NEK1: variants seen among roughly 807,000 people sequenced by gnomAD.
NEK1 encodes the protein NIMA related kinase 1, also known as serine/threonine-protein kinase Nek1.
In NEK1, 137 loss-of-function variants were observed where a neutral mutation model predicts 182.1. The observed-to-expected ratio is 0.75, with a 90% CI of 0.65 to 0.87. The LOEUF (loss-of-function observed/expected upper bound fraction) is 0.87, where lower values mean the gene tolerates loss of function less well. Ranked by LOEUF, NEK1 falls within the 40% of genes least tolerant of loss-of-function variation. The pLI is 0.00. For missense variants in NEK1, 1,391 were observed against 1,494.4 expected, an observed-to-expected ratio of 0.93 and a Z score of 1.14; for synonymous variants, 513 against 492.2, an observed-to-expected ratio of 1.04 and a Z score of -0.56.
Position 169,494,165 on chromosome 4 carries a change from T to C in NEK1, c.2007+12872A>G, listed in dbSNP as rs1317355181. Among the ~76,000 whole-genome samples, 3 of 152,048 alleles carry C rather than the reference T, an allele frequency of 2.0e-5. No homozygotes were observed. The East Asian group carries it at 5.8e-4, about 29-fold the overall frequency. On this transcript the variant is annotated intron_variant, in intron 23 of 35. Coordinates refer to ENST00000507142, the MANE Select transcript of NEK1 (RefSeq NM_001199397.3). ...GCACAACGTGCAGGTTTGTTACATA[T>C]GTATACATGTAACATGTTTGTGTGC...
chr4:169,402,622 C>T (rs1283905343), intron 32 of NEK1, among the ~76,000 whole-genome samples: 1 of 152,106 alleles, frequency 6.6e-6, no homozygotes, highest in Non-Finnish European at 1.5e-5. Context: ...TAATACCTTA[C>T]ATTTATATAG....
At chr4:169,587,724 T>A in intron 8 of NEK1, 111 bp from the exon 9 acceptor site, 1 of 576,090 alleles carries the variant, frequency 1.7e-6, no homozygotes, top group Non-Finnish European at 3.0e-6. Flanking sequence ...CCAGAAAAAA[T>A]TTCCTTTAAA....
intron 18 of NEK1, among the ~76,000 whole-genome samples, chr4:169,540,105 TAAGC>T (rs1378611079): frequency 6.6e-6 from 1 of 152,176 alleles, no homozygotes; most frequent in African/African-American, 2.4e-5. Flanking sequence ...CTGGCTTAAA[TAAGC>T]AGGTTTACAT....
intron 18 of NEK1, among the ~76,000 whole-genome samples, chr4:169,553,285 T>C (rs1761692093): frequency 2.0e-5 from 3 of 152,176 alleles, no homozygotes; most frequent in South Asian, 4.1e-4. Context: ...TTTCAAGAGA[T>C]GTGGAACAAC....
At chr4:169,523,581 C>T (rs1756434323) in intron 19 of NEK1, among the ~76,000 whole-genome samples, 1 of 152,222 alleles carries the variant, frequency 6.6e-6, no homozygotes, top group Non-Finnish European at 1.5e-5. Flanking sequence ...TGCTGACACA[C>T]TGATCTTGGA....
intron 18 of NEK1, chr4:169,553,965 A>G (rs983161890): frequency 1.1e-4 from 17 of 152,232 alleles, no homozygotes; most frequent in African/African-American, 3.6e-4. Context: ...CTCTTAAGAC[A>G]TGATCCAGCA....
intron 4 of NEK1, among the ~76,000 whole-genome samples, chr4:169,600,717 T>G (rs1337456870): frequency 2.0e-5 from 3 of 152,196 alleles, no homozygotes; most frequent in African/African-American, 7.2e-5. Context: ...AAAACTATAA[T>G]TCACTATTTA....
At chr4:169,421,801 C>T (rs1384593956) in intron 31 of NEK1, among the ~76,000 whole-genome samples, 4 of 152,046 alleles carry the variant, frequency 2.6e-5, no homozygotes, top group Non-Finnish European at 4.4e-5. Flanking sequence ...TCTACACAAG[C>T]GTAGTTAAGA....
At chr4:169,484,249 T>C (rs1432297118) in intron 23 of NEK1, among the ~76,000 whole-genome samples, 1 of 152,212 alleles carries the variant, frequency 6.6e-6, no homozygotes, top group South Asian at 2.1e-4. Context: ...GGATTTCACA[T>C]GTTGGCCAGG....
chr4:169,580,468 G>C (rs1766437417), intron 11 of NEK1, among the ~76,000 whole-genome samples: 1 of 123,316 alleles, frequency 8.1e-6, no homozygotes, highest in African/African-American at 3.2e-5. Context: ...CTGCGCTCCA[G>C]CCTGGGCAAG....
intron 26 of NEK1, among the ~76,000 whole-genome samples, chr4:169,476,503 C>T (rs1049414610): frequency 1.3e-5 from 2 of 152,012 alleles, no homozygotes; most frequent in Non-Finnish European, 2.9e-5. Flanking sequence ...TAAATGCTAT[C>T]AAGTCTTTGG....
At chr4:169,480,608 C>CT (rs1747815027) in intron 23 of NEK1, among the ~76,000 whole-genome samples, 1 of 151,356 alleles carries the variant, frequency 6.6e-6, no homozygotes, top group South Asian at 2.1e-4. Flanking sequence ...CTGATGGCTA[C>CT]TGACTGATCA....
intron 29 of NEK1, among the ~76,000 whole-genome samples, chr4:169,430,904 T>C (rs1737304618): frequency 6.6e-6 from 1 of 151,868 alleles, no homozygotes; most frequent in Admixed American, 6.6e-5. Flanking sequence ...TTTTTGCTCA[T>C]TTTTTTGTAA....
intron 16 of NEK1, among the ~76,000 whole-genome samples, chr4:169,560,413 C>T (rs1267357924): frequency 1.3e-5 from 2 of 152,152 alleles, no homozygotes; most frequent in African/African-American, 4.8e-5. Flanking sequence ...GAGCAGAATT[C>T]TCTCTCTCTA....
At chr4:169,510,063 A>G (rs1343627753) in intron 19 of NEK1, among the ~76,000 whole-genome samples, 1 of 152,168 alleles carries the variant, frequency 6.6e-6, no homozygotes, top group Non-Finnish European at 1.5e-5. Flanking sequence ...CTTCTCTTTC[A>G]GTATTTATAA....
At chr4:169,425,335 T>A (rs920406996) in intron 30 of NEK1, among the ~76,000 whole-genome samples, 1 of 151,542 alleles carries the variant, frequency 6.6e-6, no homozygotes, top group Admixed American at 6.6e-5. Flanking sequence ...GAGGTGAGGG[T>A]TGTTTGAGCC....
At chr4:169,485,912 T>C (rs1194003723) in intron 23 of NEK1, among the ~76,000 whole-genome samples, 1 of 152,008 alleles carries the variant, frequency 6.6e-6, no homozygotes, top group Non-Finnish European at 1.5e-5. Flanking sequence ...TTATGTATGG[T>C]GACGTGTGCT....
rs1747932342 is a variant in NEK1 at position 169,481,174 on chromosome 4, T to A, written c.2008-1640A>T. Among the ~76,000 whole-genome samples the A allele has an allele frequency of 1.3e-5, 2 of 149,904 alleles. 1 individual carries two copies. The highest frequency in any genetic ancestry group is 4.2e-4 in the South Asian group (2 of 4,710). ...TTCAGGCTCCCCTTGCCATTCTACT[T>A]CTCTTGCTATTTCTACCACATCTAC... On this transcript the variant is annotated intron_variant, in intron 23 of 35. Transcript: ENST00000507142.
chr4:169,414,374 G>T (rs1351373481), intron 31 of NEK1, among the ~76,000 whole-genome samples: 5 of 151,530 alleles, frequency 3.3e-5, no homozygotes, highest in Admixed American at 6.6e-5. Flanking sequence ...CCTCATATTA[G>T]TAATCTCTTT....
Sources: gnomAD v4.1 joint callset for allele counts (sites outside exome capture counted in the v4.1 genomes callset) on GRCh38, gnomAD v4.1.1 for gene constraint, MANE v1.5 for transcripts, NCBI Gene and HGNC (gene_info 2026-07-23, HGNC 2026-07-21) for gene names.